The following GDA variants were observed in gnomAD, a reference collection of about 807,000 sequenced individuals.
The protein encoded by GDA is guanine deaminase.
GDA carries 18 observed loss-of-function variants against 59.6 expected under a neutral mutation model. That is an observed-to-expected ratio of 0.30 (90% CI 0.21 to 0.45). The LOEUF is 0.45. GDA is among the 20% of genes least tolerant of loss of function. GDA has a pLI of 1.00. For synonymous variants in GDA, 201 were observed against 201.1 expected (o/e 1.00, Z 0.00); for missense variants, 427 against 552.3 (o/e 0.77, Z 2.27).
intron 6 of GDA, among the ~76,000 whole-genome samples, chr9:72,220,136 T>C (rs1041525307): frequency 1.3e-5 from 2 of 152,144 alleles, no homozygotes; most frequent in Non-Finnish European, 2.9e-5. Context: ...TTTGTGACAA[T>C]GTGGATGAAC....
chr9:72,237,686 C>T (rs974724913), intron 10 of GDA, among the ~76,000 whole-genome samples: 1 of 152,182 alleles, frequency 6.6e-6, no homozygotes, highest in Non-Finnish European at 1.5e-5. Flanking sequence ...GAAGGAACCC[C>T]CGAACTTCAT....
At chr9:72,118,343 T>G (rs1460649225) in intron 1 of GDA, among the ~76,000 whole-genome samples, 3 of 151,312 alleles carry the variant, frequency 2.0e-5, no homozygotes, top group African/African-American at 7.3e-5. Flanking sequence ...ATTCCTTACG[T>G]CTTTCTTTAG....
chr9:72,238,520 A>G (rs377408368), intron 10 of GDA, among the ~76,000 whole-genome samples: 2 of 152,246 alleles, frequency 1.3e-5, no homozygotes, highest in African/African-American at 4.8e-5. Flanking sequence ...GCTTAAGTAA[A>G]TCAAGCACAT....
At chr9:72,211,300 T>G (rs569317915) in intron 4 of GDA, among the ~76,000 whole-genome samples, 4 of 152,236 alleles carry the variant, frequency 2.6e-5, no homozygotes, top group Non-Finnish European at 5.9e-5. Context: ...TCTAGCATTG[T>G]GCAAAGCACT....
At position 72,199,380 on chromosome 9, in the gene GDA, T is replaced by TA. The variant is rs543936819; in HGVS notation, c.213-3184dup. The stretch of plus-strand genomic sequence containing the variant: ...TTAAAAGGATTGTAACTTTTCTGGG[T>TA]AAAAAAATCACACTTCAGATGCAAT... On this transcript the variant is annotated intron_variant, in intron 2 of 13. Coordinates refer to ENST00000358399, the MANE Select transcript of GDA (RefSeq NM_004293.5). 1.2e-4 allele frequency among the ~76,000 whole-genome samples: 19 copies of TA among 152,256 alleles called. No individual in the cohort carries two copies. In the East Asian group the frequency reaches 1.3e-3, roughly 11 times the overall value.
rs773222504 is a variant in GDA, at chr9:72,202,653, C to T, written c.295C>T (p.Leu99Phe). The T allele has an allele frequency of 1.2e-6, 2 of 1,613,070 alleles. No individual in the cohort carries two copies. The highest frequency in any genetic ancestry group is 1.1e-5 in the South Asian group (1 of 91,072). Reference protein sequence around the residue: ...SFAGSSIDLPLLEWLTKYTFP... With the variant: ...SFAGSSIDLPFLEWLTKYTFP... ...TGCTGGAAGTAGCATAGACCTGCCA[C>T]TCTTGGAGTGGCTGACCAAGTACAC... The change falls in exon 3 of 14, where the codon CTC (leucine) becomes TTC (phenylalanine). Residue 99 changes from leucine to phenylalanine, a missense_variant. By Grantham distance (22) the Leu-to-Phe change is conservative. Transcript: ENST00000358399.
intron 1 of GDA, among the ~76,000 whole-genome samples, chr9:72,158,034 C>G (rs1020092158): frequency 6.6e-6 from 1 of 152,170 alleles, no homozygotes; most frequent in Non-Finnish European, 1.5e-5. Flanking sequence ...TTACTTCTAT[C>G]AAAATGAAAT....
chr9:72,135,246 G>A (rs1005927794), intron 1 of GDA, among the ~76,000 whole-genome samples: 12 of 151,330 alleles, frequency 7.9e-5, no homozygotes, highest in East Asian at 1.9e-4. Context: ...GTGTGTGTGC[G>A]TTTTCAATTT....
chr9:72,236,576 T>G (rs1364265291), intron 10 of GDA, among the ~76,000 whole-genome samples: 1 of 152,090 alleles, frequency 6.6e-6, no homozygotes, highest in Non-Finnish European at 1.5e-5. Context: ...AACAAAACCC[T>G]TCTTCCAATC....
At chr9:72,209,092 GT>G (rs1308087605) in intron 3 of GDA, among the ~76,000 whole-genome samples, 1,639 of 141,974 alleles carry the variant, frequency 0.012, 26 homozygotes, top group African/African-American at 0.037. Flanking sequence ...TCTGTGACCA[GT>G]TTTTTTTTTT....
intron 10 of GDA, among the ~76,000 whole-genome samples, chr9:72,232,373 G>A (rs2131677148): frequency 6.6e-6 from 1 of 152,294 alleles, no homozygotes; most frequent in African/African-American, 2.4e-5. Context: ...TATTTTGAAA[G>A]AGGTATATAT....
At chr9:72,238,320 A>T (rs1437585940) in intron 10 of GDA, among the ~76,000 whole-genome samples, 1 of 152,154 alleles carries the variant, frequency 6.6e-6, no homozygotes, top group East Asian at 1.9e-4. Flanking sequence ...GTTGTAGTTT[A>T]AATGTCATTG....
intron 2 of GDA, among the ~76,000 whole-genome samples, chr9:72,201,041 A>G (rs1833937255): frequency 6.6e-6 from 1 of 152,160 alleles, no homozygotes; most frequent in Non-Finnish European, 1.5e-5. Flanking sequence ...TTTCTTGTGA[A>G]CATTACATCA....
chr9:72,161,795 GTACTTTACACAGA>G (rs1312695566), intron 1 of GDA, among the ~76,000 whole-genome samples: 2 of 152,196 alleles, frequency 1.3e-5, no homozygotes, highest in African/African-American at 4.8e-5. Context: ...ATCCATCATA[GTACTTTACACAGA>G]GCTTTTGCAC....
intron 1 of GDA, among the ~76,000 whole-genome samples, chr9:72,176,460 G>GT (rs945424503): frequency 1.3e-5 from 2 of 152,190 alleles, no homozygotes; most frequent in African/African-American, 4.8e-5. Context: ...CGAAGATTTT[G>GT]TGGGCGTATT....
At chr9:72,189,156 A>T (rs566930456) in intron 1 of GDA, among the ~76,000 whole-genome samples, 2 of 131,422 alleles carry the variant, frequency 1.5e-5, no homozygotes, top group Non-Finnish European at 3.1e-5. Context: ...GATACAGAGG[A>T]GACTCTAGAC....
chr9:72,170,479 G>A (rs771623128), intron 1 of GDA, among the ~76,000 whole-genome samples: 7 of 152,154 alleles, frequency 4.6e-5, no homozygotes, highest in Non-Finnish European at 1.0e-4. Context: ...AGCCGGGATC[G>A]CTGAGCTATA....
At position 72,149,638 on chromosome 9, in the gene GDA, G is replaced by A. The variant is rs1196060180; in HGVS notation, c.79G>A (p.Glu27Lys). ...CCACTCCACCTGGACCTGCCCCATGGAGGTGCTGCGGGATCACCTCCTCGG... is the reference window on the plus strand; with the variant it reads ...CCACTCCACCTGGACCTGCCCCATGAAGGTGCTGCGGGATCACCTCCTCGG... ...FVHSTWTCPMEVLRDHLLGVS... is the reference protein window; with the variant it reads ...FVHSTWTCPMKVLRDHLLGVS... The change falls in exon 1 of 14, where the codon GAG becomes AAG. Residue 27 changes from glutamate (E) to lysine (K), a missense_variant. Transcript: ENST00000358399. 1.2e-6 allele frequency: 2 copies of A among 1,608,444 alleles called. No homozygotes were observed. The highest frequency in any genetic ancestry group is 8.5e-7 in the Non-Finnish European group (1 of 1,178,084).
chr9:72,151,915 T>C (rs748362371), intron 1 of GDA, among the ~76,000 whole-genome samples: 22 of 152,134 alleles, frequency 1.4e-4, no homozygotes, highest in Non-Finnish European at 2.9e-4. Flanking sequence ...GATCTGTAAA[T>C]TTTTACTCCT....
Sources: gnomAD v4.1 joint callset for allele counts (sites outside exome capture counted in the v4.1 genomes callset) on GRCh38, gnomAD v4.1.1 for gene constraint, MANE v1.5 for transcripts, NCBI Gene and HGNC (gene_info 2026-07-23, HGNC 2026-07-21) for gene names.